The following PACS1 variants were observed in gnomAD, a reference collection of about 807,000 sequenced individuals.
The protein encoded by PACS1 is PACS-1.
PACS1 carries 24 observed loss-of-function variants against 115.0 expected under a neutral mutation model. That is an observed-to-expected ratio of 0.21 (90% CI 0.15 to 0.29). The LOEUF (loss-of-function observed/expected upper bound fraction) is 0.29, where lower values mean the gene tolerates loss of function less well. Among genes scored for constraint, PACS1 ranks in the 10% least tolerant of loss-of-function variants. The probability of loss-of-function intolerance (pLI) is 1.00; values close to 1 mark genes in which losing one functional copy is unlikely to be tolerated. For missense variants in PACS1, 838 were observed against 1,251.2 expected, an observed-to-expected ratio of 0.67 and a Z score of 4.98; for synonymous variants, 453 against 504.5, an observed-to-expected ratio of 0.90 and a Z score of 1.37.
intron 1 of PACS1, among the ~76,000 whole-genome samples, chr11:66,149,154 G>A (rs1483220918): frequency 6.9e-6 from 1 of 145,608 alleles, no homozygotes; most frequent in Non-Finnish European, 1.5e-5. Context: ...GAGTGTAATG[G>A]TGTGATCTTG....
chr11:66,217,733 A>G, intron 7 of PACS1: 1 of 407,022 alleles, frequency 2.5e-6, no homozygotes, highest in South Asian at 1.8e-5. Context: ...AATGGTCCCC[A>G]TGAGGTGTGT....
chr11:66,143,403 T>A (rs1404047685), intron 1 of PACS1, among the ~76,000 whole-genome samples: 3 of 152,184 alleles, frequency 2.0e-5, no homozygotes, highest in Admixed American at 2.0e-4. Flanking sequence ...TCTGAAGCCC[T>A]CAGAGCAAAG....
At chr11:66,072,263 T>C (rs576597904) in intron 1 of PACS1, among the ~76,000 whole-genome samples, 2 of 152,188 alleles carry the variant, frequency 1.3e-5, no homozygotes, top group Non-Finnish European at 2.9e-5. Flanking sequence ...TGATGGGTAG[T>C]ATTCTGTTGT....
In PACS1 at chr11:66,233,747, C is replaced by A; in HGVS notation, c.1839-38C>A. 6.3e-7 allele frequency: 1 copy of A among 1,587,416 alleles called. No individual in the cohort carries two copies. Among genetic ancestry groups the A allele is most frequent in the Non-Finnish European group, 8.6e-7 (1 of 1,165,768 alleles). The stretch of plus-strand genomic sequence containing the variant: ...GCCTCCCCCGGGCAGGATCCTGGCA[C>A]CCCTGAGCACTGCTATGACGCTCCC... On this transcript the variant is annotated intron_variant, in intron 15 of 23. Transcript: ENST00000320580. The surrounding 1 kb of genome is among the most constrained non-coding windows in gnomAD (Gnocchi z 4.5).
intron 11 of PACS1, 139 bp from the exon 12 acceptor site, chr11:66,230,409 T>C (rs1040347044): frequency 1.1e-5 from 7 of 654,590 alleles, no homozygotes; most frequent in Non-Finnish European, 1.9e-5. Flanking sequence ...GGCAGGAGCT[T>C]TAGGACCACT....
intron 2 of PACS1, among the ~76,000 whole-genome samples, chr11:66,203,068 A>G (rs186446401): frequency 1.3e-5 from 2 of 152,266 alleles, no homozygotes; most frequent in South Asian, 4.1e-4. Flanking sequence ...AAGAAATCAA[A>G]TTATCCTTGT....
At chr11:66,108,780 AAGAG>A (rs756501322) in intron 1 of PACS1, among the ~76,000 whole-genome samples, 15 of 151,948 alleles carry the variant, frequency 9.9e-5, no homozygotes, top group Non-Finnish European at 2.1e-4. Flanking sequence ...GAAAGAGAGA[AAGAG>A]AGAAGAGAGA....
chr11:66,206,999 C>G (rs1854955494), intron 2 of PACS1, among the ~76,000 whole-genome samples: 1 of 152,224 alleles, frequency 6.6e-6, no homozygotes, highest in African/African-American at 2.4e-5. Context: ...GAACCCCTTA[C>G]TAAGCTGCAG....
intron 1 of PACS1, among the ~76,000 whole-genome samples, chr11:66,089,297 A>G (rs551403195): frequency 3.9e-5 from 6 of 152,312 alleles, no homozygotes; most frequent in African/African-American, 1.2e-4. Context: ...TGTTAAAGAC[A>G]TTTTGCTCTT....
At chr11:66,238,983 TC>T in intron 20 of PACS1, 137 bp downstream of exon 20, 1 of 1,359,826 alleles carries the variant, frequency 7.4e-7, no homozygotes, top group Non-Finnish European at 1.0e-6. Flanking sequence ...ATGGGCGCCC[TC>T]ACTCCCCTGC....
At chr11:66,188,309 C>T (rs1045719967) in intron 1 of PACS1, among the ~76,000 whole-genome samples, 4 of 151,946 alleles carry the variant, frequency 2.6e-5, no homozygotes, top group Non-Finnish European at 4.4e-5. Context: ...AAGCTTTGAA[C>T]GTTCTTGTAC....
chr11:66,201,461 G>A (rs933226289), intron 2 of PACS1, among the ~76,000 whole-genome samples: 1 of 151,718 alleles, frequency 6.6e-6, no homozygotes, highest in Non-Finnish European at 1.5e-5. Flanking sequence ...GTACCAAGAG[G>A]GAAATTCGTA....
chr11:66,137,316 A>G (rs184705251), intron 1 of PACS1, among the ~76,000 whole-genome samples: 1 of 152,062 alleles, frequency 6.6e-6, no homozygotes, highest in Non-Finnish European at 1.5e-5. Context: ...TTATTTTAAG[A>G]TAAGATGTGA....
At chr11:66,115,148 G>A (rs1590754083) in intron 1 of PACS1, among the ~76,000 whole-genome samples, 1 of 149,832 alleles carries the variant, frequency 6.7e-6, no homozygotes, top group Non-Finnish European at 1.5e-5. Context: ...GGTCAAGGCT[G>A]CAGTGAGCTG....
rs1209499114 is a variant in PACS1, at chr11:66,243,647, G to C, written c.*367G>C. 1.9e-5 allele frequency: 4 copies of C among 208,366 alleles called. No individual in the cohort carries two copies. Among genetic ancestry groups the C allele is most frequent in the Non-Finnish European group, 3.9e-5 (4 of 101,762 alleles). The allele number at this position is 208,366 out of a possible 1,614,324, so 12.9% of individuals were successfully genotyped here. ...TTCCTTCTCGGAAATGAGAAAGCTG[G>C]AATCCTGGTCCCCAGCAGGAGAGCC... On this transcript the variant is annotated 3_prime_UTR_variant, in exon 24 of 24. Coordinates refer to ENST00000320580, the MANE Select transcript of PACS1 (RefSeq NM_018026.4).
intron 10 of PACS1, among the ~76,000 whole-genome samples, chr11:66,224,195 CAAAAAAAAAAA>C (rs71036281): frequency 1.2e-5 from 1 of 81,332 alleles, no homozygotes; most frequent in Non-Finnish European, 2.2e-5. Flanking sequence ...GACTCCATCT[CAAAAAAAAAAA>C]AAAAAAAAAA....
chr11:66,188,046 C>T (rs958294536), intron 1 of PACS1, among the ~76,000 whole-genome samples: 1 of 151,700 alleles, frequency 6.6e-6, no homozygotes, highest in South Asian at 2.1e-4. Context: ...TTTCGATTTG[C>T]GTTTCCCTGA....
chr11:66,105,521 T>G (rs1214995353), intron 1 of PACS1, among the ~76,000 whole-genome samples: 1 of 152,194 alleles, frequency 6.6e-6, no homozygotes, highest in Non-Finnish European at 1.5e-5. Flanking sequence ...CCCTAAAATA[T>G]GAATGAATAT....
intron 10 of PACS1, among the ~76,000 whole-genome samples, chr11:66,222,975 G>T (rs1254281421): frequency 7.2e-6 from 1 of 138,324 alleles, no homozygotes; most frequent in Non-Finnish European, 1.5e-5. Context: ...CCCCAGCCCT[G>T]CCCCTGCAGA....
Sources: gnomAD v4.1 joint callset for allele counts (sites outside exome capture counted in the v4.1 genomes callset) on GRCh38, gnomAD v4.1.1 for gene constraint, Gnocchi (gnomAD v3.1) non-coding constraint, MANE v1.5 for transcripts, NCBI Gene and HGNC (gene_info 2026-07-23, HGNC 2026-07-21) for gene names.